Variants in RBFOX1 observed in about 807,000 individuals in gnomAD.
RBFOX1 encodes RNA binding fox-1 homolog 1.
A neutral mutation model predicts 57.7 loss-of-function variants in RBFOX1; 8 were observed. The ratio of observed to expected loss-of-function variants is 0.14; its 90% confidence interval spans 0.08 to 0.25. The LOEUF (loss-of-function observed/expected upper bound fraction) is 0.25. Among genes scored for constraint, RBFOX1 ranks in the 10% least tolerant of loss-of-function variants. RBFOX1 has a pLI of 1.00. For synonymous variants in RBFOX1, 326 were observed against 222.4 expected, an observed-to-expected ratio of 1.47 and a Z score of -4.15; for missense variants, 611 against 548.5, an observed-to-expected ratio of 1.11 and a Z score of -1.14.
chr16:7,709,013 A>G (rs771552813), intron 14 of RBFOX1, 43 bp from the exon 15 acceptor site: 3 of 1,541,572 alleles, frequency 1.9e-6, no homozygotes, highest in Non-Finnish European at 2.7e-6. Flanking sequence ...TTGTTTTGTA[A>G]TTGCATACTG....
At chr16:5,578,280 T>C (rs1458180237) in intron 2 of RBFOX1, among the ~76,000 whole-genome samples, 1 of 152,176 alleles carries the variant, frequency 6.6e-6, no homozygotes, top group Admixed American at 6.5e-5. Context: ...CCTGGGCTTC[T>C]CACCTAGCCT....
intron 3 of RBFOX1, among the ~76,000 whole-genome samples, chr16:6,828,163 C>G (rs1194506588): frequency 1.3e-5 from 2 of 152,158 alleles, no homozygotes; most frequent in East Asian, 3.9e-4. Context: ...AGGCCAGTGA[C>G]TCACAGATGG....
chr16:5,535,103 C>G (rs1422022339), intron 2 of RBFOX1, among the ~76,000 whole-genome samples: 2 of 152,194 alleles, frequency 1.3e-5, no homozygotes, highest in African/African-American at 2.4e-5. Context: ...TTGACCAATA[C>G]AGTAGCTGAT....
intron 3 of RBFOX1, among the ~76,000 whole-genome samples, chr16:5,845,554 T>C (rs2056735260): frequency 6.6e-6 from 1 of 152,228 alleles, no homozygotes; most frequent in African/African-American, 2.4e-5. Flanking sequence ...TTGGTCCAGG[T>C]TGATGACCCG....
At chr16:5,388,362 A>G (rs191610676) in intron 1 of RBFOX1, among the ~76,000 whole-genome samples, 35 of 152,288 alleles carry the variant, frequency 2.3e-4, no homozygotes, top group African/African-American at 8.4e-4. Context: ...AGCTTTTTCT[A>G]TAAAGGGCCA....
chr16:5,456,613 A>C (rs1314925744), intron 1 of RBFOX1, among the ~76,000 whole-genome samples: 1 of 152,196 alleles, frequency 6.6e-6, no homozygotes, highest in Non-Finnish European at 1.5e-5. Context: ...TGCCACACAC[A>C]GTCACCAAGA....
intron 3 of RBFOX1, among the ~76,000 whole-genome samples, chr16:5,785,378 G>A (rs2054465110): frequency 6.6e-6 from 1 of 152,212 alleles, no homozygotes; most frequent in African/African-American, 2.4e-5. Flanking sequence ...TCCAGGCATG[G>A]GGGTGGTGGG....
At chr16:7,456,388 T>C (rs763735085) in intron 4 of RBFOX1, among the ~76,000 whole-genome samples, 1 of 152,226 alleles carries the variant, frequency 6.6e-6, no homozygotes, top group African/African-American at 2.4e-5. Context: ...TATGTTGATA[T>C]ATCACTTGTT....
intron 10 of RBFOX1, chr16:7,614,785 T>C (rs1213915611): frequency 1.3e-5 from 2 of 152,206 alleles, no homozygotes; most frequent in South Asian, 2.1e-4. Context: ...GAACACCTTG[T>C]TTCTCCTCAA....
intron 4 of RBFOX1, among the ~76,000 whole-genome samples, chr16:7,148,697 A>T (rs2075529502): frequency 6.6e-6 from 1 of 152,176 alleles, no homozygotes. Flanking sequence ...CTACAGTTTT[A>T]ACATGGTTGA....
chr16:5,698,064 T>C (rs1371408245), intron 3 of RBFOX1, among the ~76,000 whole-genome samples: 1 of 152,210 alleles, frequency 6.6e-6, no homozygotes, highest in African/African-American at 2.4e-5. Context: ...TGAATCGTTA[T>C]TGGATTTTTG....
chr16:6,973,109 T>C (rs575727724), intron 3 of RBFOX1, among the ~76,000 whole-genome samples: 1 of 150,106 alleles, frequency 6.7e-6, no homozygotes, highest in Non-Finnish European at 1.5e-5. Flanking sequence ...CCAGCCTGGG[T>C]GACGGAGCAA....
chr16:6,802,036 C>G (rs1220711110), intron 3 of RBFOX1, among the ~76,000 whole-genome samples: 1 of 151,964 alleles, frequency 6.6e-6, no homozygotes, highest in Non-Finnish European at 1.5e-5. Context: ...CCGCAATAAA[C>G]TTGTTTGTGG....
At chr16:6,892,707 G>T (rs933283987) in intron 3 of RBFOX1, among the ~76,000 whole-genome samples, 1 of 151,430 alleles carries the variant, frequency 6.6e-6, no homozygotes. Flanking sequence ...GAAGTACAGT[G>T]CTATTTGTAG....
intron 1 of RBFOX1, among the ~76,000 whole-genome samples, chr16:5,387,973 A>T (rs1452385487): frequency 1.3e-5 from 2 of 152,142 alleles, no homozygotes; most frequent in African/African-American, 2.4e-5. Flanking sequence ...GGAGGAGGGG[A>T]CCACAAGCCA....
intron 1 of RBFOX1, among the ~76,000 whole-genome samples, chr16:6,309,473 C>T (rs999163162): frequency 6.6e-6 from 1 of 152,178 alleles, no homozygotes; most frequent in African/African-American, 2.4e-5. Flanking sequence ...TTAGGCACTG[C>T]AGACACAATT....
At chr16:7,065,824 C>G (rs187926405) in intron 4 of RBFOX1, among the ~76,000 whole-genome samples, 24 of 152,302 alleles carry the variant, frequency 1.6e-4, no homozygotes, top group African/African-American at 5.1e-4. Context: ...CTCCAAGCCT[C>G]TGGTAATCAC....
intron 1 of RBFOX1, among the ~76,000 whole-genome samples, chr16:5,287,064 G>A (rs146864090): frequency 0.089 from 13,568 of 152,262 alleles, 775 homozygotes; most frequent in East Asian, 0.13. Context: ...TAGCACTTTG[G>A]GAGGATGAGG....
intron 3 of RBFOX1, among the ~76,000 whole-genome samples, chr16:6,682,985 G>C (rs921564869): frequency 6.6e-6 from 1 of 151,976 alleles, no homozygotes; most frequent in Non-Finnish European, 1.5e-5. Flanking sequence ...GCAGTGTTGA[G>C]TGCTTTACAC....
Sources: gnomAD v4.1 joint callset for allele counts (sites outside exome capture counted in the v4.1 genomes callset) on GRCh38, gnomAD v4.1.1 for gene constraint, MANE v1.5 for transcripts, NCBI Gene and HGNC (gene_info 2026-07-23, HGNC 2026-07-21) for gene names.